The following IMMP2L variants were observed in gnomAD, a reference collection of about 807,000 sequenced individuals.
IMMP2L encodes the protein mitochondrial inner membrane protease subunit 2.
In IMMP2L, 18 loss-of-function variants were observed where a neutral mutation model predicts 19.3. That is an observed-to-expected ratio of 0.93 (90% CI 0.64 to 1.38). The LOEUF (loss-of-function observed/expected upper bound fraction) is 1.38. IMMP2L is among the 40% of genes most tolerant of loss of function. The probability of loss-of-function intolerance (pLI) is 0.00; values close to 1 mark genes in which losing one functional copy is unlikely to be tolerated. For missense variants in IMMP2L, 233 were observed against 218.2 expected (o/e 1.07, Z -0.43); for synonymous variants, 76 against 73.0 (o/e 1.04, Z -0.21).
chr7:111,368,969 T>A (rs769346639), intron 3 of IMMP2L, among the ~76,000 whole-genome samples: 1 of 151,980 alleles, frequency 6.6e-6, no homozygotes, highest in East Asian at 1.9e-4. Context: ...TCAAGTTTTG[T>A]TATATTCATA....
At chr7:111,163,960 A>G (rs1364700184) in intron 3 of IMMP2L, among the ~76,000 whole-genome samples, 3 of 152,096 alleles carry the variant, frequency 2.0e-5, no homozygotes, top group African/African-American at 7.2e-5. Context: ...GGAACAAGCT[A>G]TAGCACAAAA....
At chr7:110,812,388 T>G (rs1438531888) in intron 5 of IMMP2L, among the ~76,000 whole-genome samples, 3 of 151,800 alleles carry the variant, frequency 2.0e-5, no homozygotes, top group Non-Finnish European at 2.9e-5. Context: ...GACACAGGAG[T>G]TAGAAGGAGC....
chr7:111,316,820 G>C (rs1384562620), intron 3 of IMMP2L, among the ~76,000 whole-genome samples: 7 of 144,234 alleles, frequency 4.9e-5, no homozygotes, highest in Non-Finnish European at 1.1e-4. Context: ...CAATGAGAGA[G>C]ATATTGTTGG....
chr7:111,099,276 C>T (rs979850293), intron 3 of IMMP2L, among the ~76,000 whole-genome samples: 4 of 151,660 alleles, frequency 2.6e-5, no homozygotes, highest in Non-Finnish European at 4.4e-5. Context: ...AAATTTTAGA[C>T]ACTTTTTTCC....
At chr7:111,309,405 G>A (rs1183380818) in intron 3 of IMMP2L, among the ~76,000 whole-genome samples, 1 of 152,076 alleles carries the variant, frequency 6.6e-6, no homozygotes, top group African/African-American at 2.4e-5. Context: ...TTAACGAAAT[G>A]GAAGAAAACA....
chr7:111,127,679 TA>T (rs1801452000), intron 3 of IMMP2L, among the ~76,000 whole-genome samples: 1 of 152,150 alleles, frequency 6.6e-6, no homozygotes, highest in Admixed American at 6.5e-5. Context: ...CCATTTAACT[TA>T]CAATTTTGTG....
At chr7:111,229,782 T>G (rs1254046537) in intron 3 of IMMP2L, among the ~76,000 whole-genome samples, 1 of 152,072 alleles carries the variant, frequency 6.6e-6, no homozygotes. Flanking sequence ...TTTGATAAAG[T>G]TCAATTAGAA....
rs189044636 is a variant in IMMP2L, at chr7:111,493,857, G to A, written c.136-6516C>T. On this transcript the variant is annotated intron_variant, in intron 2 of 5. Transcript: ENST00000405709. ...CCCCGTCTCTGCCAAAAAATTAGCCGGGTGTAGTGGTGGGCCGCTGTAGTC... is the reference window on the plus strand; with the variant it reads ...CCCCGTCTCTGCCAAAAAATTAGCCAGGTGTAGTGGTGGGCCGCTGTAGTC... 3.3e-5 allele frequency among the ~76,000 whole-genome samples: 5 copies of A among 151,364 alleles called. No individual in the cohort carries two copies. In the East Asian group the frequency reaches 5.9e-4, roughly 18 times the overall value.
intron 3 of IMMP2L, among the ~76,000 whole-genome samples, chr7:111,363,295 G>T (rs968597334): frequency 2.6e-5 from 4 of 151,916 alleles, no homozygotes; most frequent in African/African-American, 9.7e-5. Context: ...TGGAATTTGG[G>T]GCCCCATTCC....
chr7:111,472,869 G>A (rs1841388546), intron 3 of IMMP2L, among the ~76,000 whole-genome samples: 1 of 151,950 alleles, frequency 6.6e-6, no homozygotes, highest in African/African-American at 2.4e-5. Flanking sequence ...GCTGAGGTGG[G>A]TGGATCACTT....
At chr7:111,484,456 T>C (rs1301380333) in intron 3 of IMMP2L, among the ~76,000 whole-genome samples, 5 of 152,194 alleles carry the variant, frequency 3.3e-5, no homozygotes, top group Admixed American at 1.3e-4. Flanking sequence ...TACTTATTTA[T>C]CAATGAAGTA....
At chr7:111,304,200 A>G (rs964940577) in intron 3 of IMMP2L, among the ~76,000 whole-genome samples, 1 of 152,108 alleles carries the variant, frequency 6.6e-6, no homozygotes, top group Non-Finnish European at 1.5e-5. Flanking sequence ...AAGGATGAAG[A>G]TATTGTTAAC....
intron 3 of IMMP2L, among the ~76,000 whole-genome samples, chr7:111,231,495 T>A (rs568298746): frequency 6.6e-5 from 10 of 151,960 alleles, no homozygotes; most frequent in Non-Finnish European, 1.5e-4. Context: ...TAATGTTACT[T>A]CTCCAATGAG....
At chr7:111,520,740 C>T (rs558091214) in intron 2 of IMMP2L, among the ~76,000 whole-genome samples, 3 of 152,064 alleles carry the variant, frequency 2.0e-5, no homozygotes, top group African/African-American at 4.8e-5. Context: ...AACTTTAGGA[C>T]AACATAATTT....
At chr7:111,544,855 C>T (rs1848779686) in intron 1 of IMMP2L, among the ~76,000 whole-genome samples, 1 of 150,636 alleles carries the variant, frequency 6.6e-6, no homozygotes, top group Non-Finnish European at 1.5e-5. Context: ...ATCAGCATGG[C>T]AAGAAACAAA....
rs564301884 is a variant in IMMP2L at position 110,727,274 on chromosome 7, C to A, written c.409-63553G>T. On this transcript the variant is annotated intron_variant, in intron 5 of 5. Transcript: ENST00000405709. This position sits in a 1 kb window ranked among gnomAD's most constrained non-coding sequence, Gnocchi z 4.3. The stretch of plus-strand genomic sequence containing the variant: ...GGCAGGGTGGTGCATGCCTGAAATC[C>A]CAGCTACTCAGGAGGCTGGGGCAGG... Among the ~76,000 whole-genome samples the A allele has an allele frequency of 2.8e-4, 42 of 152,144 alleles. No homozygotes were observed. The highest frequency in any genetic ancestry group is 3.4e-3 in the Middle Eastern group (1 of 294).
intron 3 of IMMP2L, among the ~76,000 whole-genome samples, chr7:111,383,357 G>C (rs1269969272): frequency 6.6e-6 from 1 of 152,122 alleles, no homozygotes; most frequent in African/African-American, 2.4e-5. Flanking sequence ...GCCTAGGCAG[G>C]ATCTGGTCCT....
At chr7:111,197,537 A>C (rs1809643423) in intron 3 of IMMP2L, among the ~76,000 whole-genome samples, 1 of 152,174 alleles carries the variant, frequency 6.6e-6, no homozygotes, top group Admixed American at 6.5e-5. Flanking sequence ...TAATATAGCT[A>C]ATTATTTGAT....
chr7:110,992,195 G>A (rs992365940), intron 3 of IMMP2L, among the ~76,000 whole-genome samples: 30 of 151,940 alleles, frequency 2.0e-4, no homozygotes, highest in African/African-American at 3.9e-4. Flanking sequence ...GCCCCCCAGC[G>A]TAATGCATTA....
Sources: allele counts gnomAD v4.1 joint callset (sites outside exome capture counted in the v4.1 genomes callset), GRCh38; gene constraint gnomAD v4.1.1; non-coding constraint Gnocchi (gnomAD v3.1); transcripts MANE v1.5; gene names NCBI Gene and HGNC (gene_info 2026-07-23, HGNC 2026-07-21).